ADGRE3: variants seen among roughly 807,000 people sequenced by gnomAD.
ADGRE3 encodes adhesion G protein-coupled receptor E3, also known as EGF-like module receptor 3.
ADGRE3 carries 88 observed loss-of-function variants against 80.1 expected under a neutral mutation model. The ratio of observed to expected loss-of-function variants is 1.10; its 90% CI spans 0.93 to 1.31. The LOEUF (loss-of-function observed/expected upper bound fraction) is 1.31. Ranked by LOEUF, ADGRE3 falls within the 40% of genes most tolerant of loss-of-function variation. The pLI is 0.00. For synonymous variants in ADGRE3, 281 were observed against 294.8 expected (o/e 0.95, Z 0.48); for missense variants, 715 against 776.5 (o/e 0.92, Z 0.94).
intron 4 of ADGRE3, among the ~76,000 whole-genome samples, chr19:14,660,617 C>A (rs1971919446): frequency 1.4e-5 from 2 of 142,640 alleles, no homozygotes; most frequent in African/African-American, 5.4e-5. Flanking sequence ...GAGTGAGACC[C>A]CATCTCTTAA....
intron 11 of ADGRE3, among the ~76,000 whole-genome samples, chr19:14,635,639 C>T (rs1423756152): frequency 2.6e-5 from 4 of 152,030 alleles, no homozygotes. Flanking sequence ...TCTTGAACTC[C>T]TGACCTCAGG....
At chr19:14,620,543 A>ATGAC (rs1970549569) in intron 15 of ADGRE3, among the ~76,000 whole-genome samples, 1 of 16,068 alleles carries the variant, frequency 6.2e-5, no homozygotes, top group African/African-American at 3.6e-4. Flanking sequence ...TATTTTATAT[A>ATGAC]TATATTATAT....
chr19:14,615,200 TTC>T (rs1491559135), downstream of ADGRE3, among the ~76,000 whole-genome samples: 16,290 of 102,366 alleles, frequency 0.16, 2,276 homozygotes, highest in Non-Finnish European at 0.23. Context: ...TACAGCTGCC[TTC>T]TTTTTTTTTT....
Position 14,632,913 on chromosome 19 carries a change from C to T in ADGRE3, c.1643+8G>A. ...AGGGAATAGGAAGTACCATTTGTCA[C>T]ATCCTACCTTGTGTTCTGGATGGTT... On this transcript the variant is annotated splice_region_variant and intron_variant, in intron 13 of 15. Transcript: ENST00000253673. 6 of 1,592,514 alleles carry T rather than the reference C, an allele frequency of 3.8e-6. No homozygotes were observed. The highest frequency in any genetic ancestry group is 5.2e-6 in the Non-Finnish European group (6 of 1,160,390).
the ADGRE3 span, among the ~76,000 whole-genome samples, chr19:14,614,064 C>T: frequency 6.6e-6 from 1 of 151,866 alleles, no homozygotes; most frequent in Non-Finnish European, 1.5e-5. Flanking sequence ...GGCACGACCC[C>T]ACTACTGAGT....
intron 1 of ADGRE3, among the ~76,000 whole-genome samples, chr19:14,674,325 C>T (rs1329692664): frequency 2.6e-5 from 4 of 151,820 alleles, no homozygotes; most frequent in Non-Finnish European, 5.9e-5. Flanking sequence ...GGTGAAACCC[C>T]ATCTCTACTA....
At chr19:14,673,106 T>C (rs1972300354) in intron 1 of ADGRE3, among the ~76,000 whole-genome samples, 1 of 152,188 alleles carries the variant, frequency 6.6e-6, no homozygotes, top group East Asian at 1.9e-4. Context: ...ACACCTCTTA[T>C]ATATAAGATG....
chr19:14,627,028 G>A (rs865935952), intron 14 of ADGRE3, among the ~76,000 whole-genome samples: 1 of 152,180 alleles, frequency 6.6e-6, no homozygotes, highest in Admixed American at 6.5e-5. Context: ...ATATGAGAGG[G>A]CCGTGGACAG....
At chr19:14,628,139 CA>C (rs1452697568) in intron 14 of ADGRE3, among the ~76,000 whole-genome samples, 1 of 151,462 alleles carries the variant, frequency 6.6e-6, no homozygotes, top group East Asian at 1.9e-4. Context: ...AAACAAAAAA[CA>C]AAAAACAAAA....
intron 3 of ADGRE3, among the ~76,000 whole-genome samples, chr19:14,662,322 T>TAA (rs902103962): frequency 2.6e-5 from 4 of 152,022 alleles, no homozygotes; most frequent in African/African-American, 9.7e-5. Flanking sequence ...GACGAGAATA[T>TAA]AAGTACTTTA....
At chr19:14,670,359 C>T (rs1376249228) in intron 1 of ADGRE3, among the ~76,000 whole-genome samples, 3 of 152,198 alleles carry the variant, frequency 2.0e-5, no homozygotes, top group Non-Finnish European at 4.4e-5. Context: ...CCTCTTGACA[C>T]TCATCCCTGA....
intron 8 of ADGRE3, among the ~76,000 whole-genome samples, chr19:14,645,833 G>A (rs1042032333): frequency 5.3e-5 from 8 of 152,094 alleles, no homozygotes; most frequent in East Asian, 3.9e-4. Flanking sequence ...TTAGTTGGGC[G>A]TGGTGGCACA....
intron 9 of ADGRE3, among the ~76,000 whole-genome samples, chr19:14,643,306 T>C (rs1024044822): frequency 2.6e-5 from 4 of 151,760 alleles, no homozygotes; most frequent in Non-Finnish European, 5.9e-5. Context: ...CCACCACACC[T>C]GGCTAATTTT....
the ADGRE3 span, among the ~76,000 whole-genome samples, chr19:14,601,604 G>A: frequency 6.6e-6 from 1 of 152,018 alleles, no homozygotes. Flanking sequence ...TAGGACTATA[G>A]TATGGTTTAT....
chr19:14,663,477 T>C lies in ADGRE3; in HGVS notation c.140A>G (p.His47Arg), dbSNP rs1315757871. 6.2e-7 allele frequency: 1 copy of C among 1,613,296 alleles called. No homozygotes were observed. The highest frequency in any genetic ancestry group is 8.5e-7 in the Non-Finnish European group (1 of 1,179,536). ...CVNNTHCTCN[H>R]GYTSGSGQKL... ...CTGCCCAGATCCAGAAGTATATCCA[T>C]GGTTGCAGGTGCAGTGAGTGTTATT... The change falls in exon 3 of 16, where the codon CAT becomes CGT. Residue 47 changes from histidine (H) to arginine (R), a missense_variant. Transcript: ENST00000253673.
At chr19:14,646,146 C>T (rs952745962) in intron 8 of ADGRE3, among the ~76,000 whole-genome samples, 6 of 151,958 alleles carry the variant, frequency 3.9e-5, no homozygotes, top group Admixed American at 6.6e-5. Context: ...TTTTCTGAGA[C>T]GGAGTCTGAC....
At chr19:14,629,901 G>A in intron 14 of ADGRE3, 138 bp downstream of exon 14, 1 of 506,716 alleles carries the variant, frequency 2.0e-6, no homozygotes, top group Non-Finnish European at 3.4e-6. Flanking sequence ...TTTTAAAGTA[G>A]AGAAAATAGA....
At chr19:14,649,635 C>T (rs1304127382) in intron 7 of ADGRE3, among the ~76,000 whole-genome samples, 4 of 87,996 alleles carry the variant, frequency 4.5e-5, no homozygotes, top group Admixed American at 1.2e-4. Context: ...TCCATCTCTC[C>T]CTCCCCATCT....
At chr19:14,610,123 A>G in the ADGRE3 span, 5 of 1,611,252 alleles carry the variant, frequency 3.1e-6, no homozygotes, top group Non-Finnish European at 4.2e-6. Context: ...ACCATGAACA[A>G]AGGTGGCACC....
Sources: gnomAD v4.1 joint callset for allele counts (sites outside exome capture counted in the v4.1 genomes callset) on GRCh38, gnomAD v4.1.1 for gene constraint, MANE v1.5 for transcripts, NCBI Gene and HGNC (gene_info 2026-07-23, HGNC 2026-07-21) for gene names.